PIEZO2: variants seen among roughly 807,000 people sequenced by gnomAD.
The protein encoded by PIEZO2 is piezo type mechanosensitive ion channel component 2.
PIEZO2 carries 172 observed loss-of-function variants against 337.3 expected under a neutral mutation model. The ratio of observed to expected loss-of-function variants is 0.51; its 90% CI spans 0.45 to 0.58. PIEZO2 has a LOEUF of 0.58. PIEZO2 is among the 20% of genes least tolerant of loss of function. The probability of loss-of-function intolerance (pLI) is 0.00; values close to 1 mark genes in which losing one functional copy is unlikely to be tolerated. For missense variants in PIEZO2, 3,028 were observed against 3,391.3 expected (o/e 0.89, Z 2.66); for synonymous variants, 1,251 against 1,228.5 (o/e 1.02, Z -0.38).
chr18:10,971,740 C>T lies in PIEZO2; in HGVS notation c.286+7795G>A, dbSNP rs369950102. Among the ~76,000 whole-genome samples the T allele has an allele frequency of 1.2e-4, 19 of 152,244 alleles. No individual in the cohort carries two copies. In the South Asian group the frequency reaches 2.3e-3, roughly 18 times the overall value. On this transcript the variant is annotated intron_variant, in intron 3 of 55. Transcript: ENST00000674853. Reference sequence around the variant, plus strand: ...AGCACAGCCTCCAAAATTTATGTATCCTAATCATATCTATTCCTCAAAATC... The same window carrying T: ...AGCACAGCCTCCAAAATTTATGTATTCTAATCATATCTATTCCTCAAAATC...
rs1443867536 is a variant in PIEZO2 at position 11,033,875 on chromosome 18, T to G, written c.160+32252A>C. ...GCTGACAGTCACGTTTTTTCCTAACTTTCCACCAAAAATATTATCTTCAGA... is the reference window on the plus strand; with the variant it reads ...GCTGACAGTCACGTTTTTTCCTAACGTTCCACCAAAAATATTATCTTCAGA... On this transcript the variant is annotated intron_variant, in intron 2 of 55. Transcript: ENST00000674853. The surrounding 1 kb of genome is among the most constrained non-coding windows in gnomAD (Gnocchi z 4.2). 2.0e-5 allele frequency among the ~76,000 whole-genome samples: 3 copies of G among 152,130 alleles called. No homozygotes were observed. Among genetic ancestry groups the G allele is most frequent in the African/African-American group, 7.2e-5 (3 of 41,410 alleles).
At chr18:10,785,453 G>A (rs2039185333) in intron 16 of PIEZO2, among the ~76,000 whole-genome samples, 1 of 152,156 alleles carries the variant, frequency 6.6e-6, no homozygotes, top group African/African-American at 2.4e-5. Context: ...AGATTCTCGT[G>A]CCCAAATTGC....
chr18:10,886,343 TAC>T (rs1555669500), intron 4 of PIEZO2, among the ~76,000 whole-genome samples: 1 of 23,716 alleles, frequency 4.2e-5, no homozygotes, highest in Non-Finnish European at 6.0e-5. Flanking sequence ...TATATATATA[TAC>T]ACACACACAC....
At chr18:10,743,321 C>T (rs1311709767) in intron 31 of PIEZO2, among the ~76,000 whole-genome samples, 1 of 152,066 alleles carries the variant, frequency 6.6e-6, no homozygotes, top group Non-Finnish European at 1.5e-5. Context: ...AGAACTTTCC[C>T]AGGGGGCAAA....
At chr18:10,688,390 A>G (rs2034649928) in intron 49 of PIEZO2, among the ~76,000 whole-genome samples, 1 of 152,184 alleles carries the variant, frequency 6.6e-6, no homozygotes, top group Admixed American at 6.5e-5. Context: ...CCACAATTAA[A>G]GAGTTGATTT....
intron 1 of PIEZO2, among the ~76,000 whole-genome samples, chr18:11,115,366 C>T (rs917450526): frequency 1.3e-5 from 2 of 152,188 alleles, no homozygotes; most frequent in Non-Finnish European, 2.9e-5. Flanking sequence ...ATGTTCATCT[C>T]TATCTATGCT....
chr18:10,743,958 C>T (rs1236212735), intron 31 of PIEZO2, among the ~76,000 whole-genome samples, 184 bp downstream of exon 31: 1 of 152,178 alleles, frequency 6.6e-6, no homozygotes, highest in Non-Finnish European at 1.5e-5. Flanking sequence ...TGTTAAACTG[C>T]TTTCACTTTC....
At chr18:10,831,319 A>T (rs1476509796) in intron 7 of PIEZO2, among the ~76,000 whole-genome samples, 2 of 152,248 alleles carry the variant, frequency 1.3e-5, no homozygotes, top group Non-Finnish European at 2.9e-5. Flanking sequence ...TGTGGTACTT[A>T]CACACAATGG....
rs116239655 is a variant in PIEZO2 at position 10,877,196 on chromosome 18, G to A, written c.330-5781C>T. Among the ~76,000 whole-genome samples the A allele has an allele frequency of 0.014, 2,067 of 152,226 alleles. 54 individuals carry two copies. The highest frequency in any genetic ancestry group is 0.048 in the African/African-American group (1,979 of 41,528). The stretch of plus-strand genomic sequence containing the variant: ...CTCACTCTACAAGATCACCCTGGAT[G>A]ATATCCATCCCCAAGGCCCTAATCA... On this transcript the variant is annotated intron_variant, in intron 4 of 55. Coordinates refer to ENST00000674853, the MANE Select transcript of PIEZO2 (RefSeq NM_001378183.1). This position sits in a 1 kb window ranked among gnomAD's most constrained non-coding sequence, Gnocchi z 5.3.
rs1252803663 is a variant in PIEZO2, at chr18:10,783,268, T to C, written c.2492+1516A>G. ...TATTGAATAGGGCCCTTGAAAAGAATGGTGAGGGCTTATAGTAAATTTAAA... is the reference window on the plus strand; with the variant it reads ...TATTGAATAGGGCCCTTGAAAAGAACGGTGAGGGCTTATAGTAAATTTAAA... On this transcript the variant is annotated intron_variant, in intron 17 of 55. Transcript: ENST00000674853. The surrounding 1 kb of genome is among the most constrained non-coding windows in gnomAD (Gnocchi z 4.3). 1.3e-5 allele frequency among the ~76,000 whole-genome samples: 2 copies of C among 152,174 alleles called. No individual in the cohort carries two copies. Among genetic ancestry groups the C allele is most frequent in the East Asian group, 1.9e-4 (1 of 5,194 alleles).
intron 1 of PIEZO2, among the ~76,000 whole-genome samples, chr18:11,081,909 G>A (rs1162885075): frequency 2.0e-5 from 3 of 152,028 alleles, no homozygotes; most frequent in Admixed American, 2.0e-4. Context: ...ACAGGCACAT[G>A]CCACCATGCC....
In PIEZO2 at chr18:10,895,674, C is replaced by T. The variant is rs111816627; in HGVS notation, c.329+15512G>A. Among the ~76,000 whole-genome samples the T allele has an allele frequency of 8.3e-4, 127 of 152,152 alleles. 1 individual carries two copies. The highest frequency in any genetic ancestry group is 2.9e-3 in the African/African-American group (121 of 41,522). Reference sequence around the variant, plus strand: ...TCAGTTTAACACCTGGGAAATGGGGCGCTCCCTCTGACCTGCACATTTCAT... The same window carrying T: ...TCAGTTTAACACCTGGGAAATGGGGTGCTCCCTCTGACCTGCACATTTCAT... On this transcript the variant is annotated intron_variant, in intron 4 of 55. Coordinates refer to ENST00000674853, the MANE Select transcript of PIEZO2 (RefSeq NM_001378183.1). The surrounding 1 kb of genome is among the most constrained non-coding windows in gnomAD (Gnocchi z 4.8).
At position 10,705,549 on chromosome 18, in the gene PIEZO2, G is replaced by A. The variant is rs2035544646; in HGVS notation, c.5786C>T (p.Thr1929Ile). Residue 1929 changes from threonine (T) to isoleucine (I), a missense_variant, in exon 41 of 56, where the codon ACA (threonine) becomes ATA (isoleucine). Coordinates refer to ENST00000674853, the MANE Select transcript of PIEZO2 (RefSeq NM_001378183.1). ...ATCCCCGTCCAAGGTGGAGAACTGT[G>A]TCAGCTCTTCCTCTGGGGTGAGGCT... is the stretch of plus-strand genomic sequence containing the variant. The part of the protein sequence containing the change: ...EASLTPEEEL[T>I]QFSTLDGDVE... The A allele has an allele frequency of 6.5e-7, 1 of 1,537,274 alleles. No homozygotes were observed. The highest frequency in any genetic ancestry group is 8.7e-7 in the Non-Finnish European group (1 of 1,146,912).
chr18:11,002,310 T>A lies in PIEZO2; in HGVS notation c.161-22650A>T, dbSNP rs1317089367. On this transcript the variant is annotated intron_variant, in intron 2 of 55. Transcript: ENST00000674853. This position sits in a 1 kb window ranked among gnomAD's most constrained non-coding sequence, Gnocchi z 4.3. ...CAGTCTATAGGCTGTAGTTTGCTGATCCCTGCTCTAGCTGGAGAAAGCATA... is the reference window on the plus strand; with the variant it reads ...CAGTCTATAGGCTGTAGTTTGCTGAACCCTGCTCTAGCTGGAGAAAGCATA... Among the ~76,000 whole-genome samples, 4 of 152,194 alleles carry A rather than the reference T, an allele frequency of 2.6e-5. No individual in the cohort carries two copies. The highest frequency in any genetic ancestry group is 9.6e-5 in the African/African-American group (4 of 41,462).
At chr18:11,107,969 G>A (rs2039617848) in intron 1 of PIEZO2, among the ~76,000 whole-genome samples, 1 of 152,152 alleles carries the variant, frequency 6.6e-6, no homozygotes, top group African/African-American at 2.4e-5. Context: ...CCTCCAAGTA[G>A]AGTTGGGAGA....
intron 2 of PIEZO2, among the ~76,000 whole-genome samples, chr18:11,030,501 A>G (rs1055432869): frequency 8.5e-5 from 13 of 152,312 alleles, no homozygotes; most frequent in African/African-American, 2.9e-4. Flanking sequence ...AGGTCAGACA[A>G]CCTTGTAGTG....
rs551880083 is a variant in PIEZO2 at position 10,988,055 on chromosome 18, G to C, written c.161-8395C>G. Among the ~76,000 whole-genome samples the C allele has an allele frequency of 5.3e-5, 8 of 152,158 alleles. No homozygotes were observed. Among genetic ancestry groups the C allele is most frequent in the Non-Finnish European group, 8.8e-5 (6 of 68,022 alleles). On this transcript the variant is annotated intron_variant, in intron 2 of 55. Transcript: ENST00000674853. This position sits in a 1 kb window ranked among gnomAD's most constrained non-coding sequence, Gnocchi z 4.8. ...CATATGTTGAAACTTAATTACCCAA[G>C]TGATAGTATTAAGAGGTGGAACCTT...
chr18:11,135,695 G>A (rs750175249), intron 1 of PIEZO2, among the ~76,000 whole-genome samples: 5 of 152,216 alleles, frequency 3.3e-5, no homozygotes, highest in East Asian at 3.9e-4. Context: ...CTACATGTGC[G>A]TGCCATCACG....
At chr18:11,117,612 T>C (rs753292709) in intron 1 of PIEZO2, among the ~76,000 whole-genome samples, 2 of 152,258 alleles carry the variant, frequency 1.3e-5, no homozygotes, top group Admixed American at 6.5e-5. Flanking sequence ...CAGTAAATCC[T>C]AGTTTCCAAA....
Sources: gnomAD v4.1 joint callset for allele counts (sites outside exome capture counted in the v4.1 genomes callset) on GRCh38, gnomAD v4.1.1 for gene constraint, Gnocchi (gnomAD v3.1) non-coding constraint, MANE v1.5 for transcripts, NCBI Gene and HGNC (gene_info 2026-07-23, HGNC 2026-07-21) for gene names.